The following PDE4D variants were observed in gnomAD, a reference collection of about 807,000 sequenced individuals.
The protein encoded by PDE4D is phosphodiesterase 4D.
In PDE4D, 24 loss-of-function variants were observed where a neutral mutation model predicts 87.4. That is an observed-to-expected ratio of 0.27 (90% CI 0.20 to 0.39). The LOEUF is 0.39. Ranked by LOEUF, PDE4D falls within the 10% of genes least tolerant of loss-of-function variation. PDE4D has a pLI of 1.00. For synonymous variants in PDE4D, 384 were observed against 383.2 expected (o/e 1.00, Z -0.02); for missense variants, 714 against 1,041.0 (o/e 0.69, Z 4.32).
Position 59,893,362 on chromosome 5 carries a change from C to T in PDE4D, c.261G>A (p.Pro87=). The T allele has an allele frequency of 8.0e-7, 1 of 1,256,438 alleles. No individual in the cohort carries two copies. The highest frequency in any genetic ancestry group is 1.0e-6 in the Non-Finnish European group (1 of 1,001,826). 77.8% of individuals were successfully genotyped at this position (1,256,438 alleles called of 1,614,324 possible). A position where few individuals can be genotyped will look rare whatever the true frequency, so the allele number is the denominator to read the frequency against. Residue 87 remains proline, a synonymous_variant, in exon 1 of 15, where the codon CCG becomes CCA. Coordinates refer to ENST00000340635, the MANE Select transcript of PDE4D (RefSeq NM_001104631.2). ...PPPPLPPPPP[P]PGAARGRYAS... ...CGTAGCGGCCGCGGGCAGCCCCGGG[C>T]GGCGGCGGGGGCGGCGGCAGGGGGG... is the stretch of plus-strand genomic sequence containing the variant.
At chr5:59,425,516 G>GGA (rs1267215717) in intron 1 of PDE4D, among the ~76,000 whole-genome samples, 2 of 152,064 alleles carry the variant, frequency 1.3e-5, no homozygotes, top group East Asian at 3.9e-4. Context: ...CATGAGAGGT[G>GGA]GAGGGTAGAA....
intron 6 of PDE4D, among the ~76,000 whole-genome samples, chr5:59,007,880 C>T (rs759802826): frequency 3.3e-5 from 5 of 151,912 alleles, no homozygotes; most frequent in Admixed American, 6.6e-5. Flanking sequence ...ACACCTGCAA[C>T]ATGTATGGAG....
intron 1 of PDE4D, chr5:59,586,449 C>G (rs1224136885): frequency 1.1e-5 from 17 of 1,545,326 alleles, no homozygotes; most frequent in Middle Eastern, 1.7e-4. Context: ...AGATGAATTC[C>G]AACTCTCTTG....
chr5:59,114,850 G>C (rs10085136), intron 5 of PDE4D, among the ~76,000 whole-genome samples: 15,799 of 150,884 alleles, frequency 0.1, 1,117 homozygotes, highest in Non-Finnish European at 0.15. Context: ...TGGTGGGGCT[G>C]CAAGCTAACT....
At position 59,316,194 on chromosome 5, in the gene PDE4D, G is replaced by A. The variant is rs79379389; in HGVS notation, c.456-100226C>T. Among the ~76,000 whole-genome samples the A allele has an allele frequency of 5.1e-3, 778 of 152,194 alleles. 7 individuals are homozygous for A. Among genetic ancestry groups the A allele is most frequent in the African/African-American group, 0.016 (680 of 41,526 alleles). On this transcript the variant is annotated intron_variant, in intron 1 of 14. Transcript: ENST00000340635. ...GTACATGAAGATAACAAGCTATGGG[G>A]CTTTGCAATAATAAAGGCAGATTGC...
At chr5:60,066,042 G>T (rs1049572280) in intron 2 of PDE4D, among the ~76,000 whole-genome samples, 1 of 152,132 alleles carries the variant, frequency 6.6e-6, no homozygotes, top group Non-Finnish European at 1.5e-5. Context: ...CTAGTTTATA[G>T]TCCCACCAAC....
At chr5:59,538,958 A>C (rs1815785692) in intron 1 of PDE4D, among the ~76,000 whole-genome samples, 2 of 152,098 alleles carry the variant, frequency 1.3e-5, no homozygotes, top group African/African-American at 4.8e-5. Context: ...TTCTATTCAC[A>C]CTGTAGGCTT....
At chr5:59,244,462 A>G (rs1054597491) in intron 1 of PDE4D, among the ~76,000 whole-genome samples, 1 of 151,060 alleles carries the variant, frequency 6.6e-6, no homozygotes, top group Non-Finnish European at 1.5e-5. Flanking sequence ...ATATATATAT[A>G]TACATATACA....
chr5:60,173,721 G>GCAA (rs1466980538), intron 2 of PDE4D, among the ~76,000 whole-genome samples: 2 of 152,092 alleles, frequency 1.3e-5, no homozygotes, highest in Non-Finnish European at 2.9e-5. Context: ...AGCTAATGGA[G>GCAA]CAACAGTCAG....
At chr5:59,111,578 A>ACTTT (rs1293861986) in intron 5 of PDE4D, among the ~76,000 whole-genome samples, 4 of 152,172 alleles carry the variant, frequency 2.6e-5, no homozygotes, top group Admixed American at 6.5e-5. Flanking sequence ...AAAAAGCCAT[A>ACTTT]CTTTCTTTCT....
chr5:59,474,820 G>A (rs146959706), intron 1 of PDE4D, among the ~76,000 whole-genome samples: 1 of 152,022 alleles, frequency 6.6e-6, no homozygotes, highest in Non-Finnish European at 1.5e-5. Flanking sequence ...AAAGTTTTAT[G>A]CAAAAAAGTT....
intron 1 of PDE4D, among the ~76,000 whole-genome samples, chr5:59,706,709 T>G (rs1038888436): frequency 6.6e-6 from 1 of 152,156 alleles, no homozygotes; most frequent in Non-Finnish European, 1.5e-5. Context: ...TTTATAGAGA[T>G]ATTTTCAATA....
intron 2 of PDE4D, among the ~76,000 whole-genome samples, chr5:60,141,936 A>G (rs1780568964): frequency 6.6e-6 from 1 of 152,158 alleles, no homozygotes; most frequent in Non-Finnish European, 1.5e-5. Context: ...AAAATATAGG[A>G]TAATTTAAGT....
intron 6 of PDE4D, among the ~76,000 whole-genome samples, chr5:59,001,330 C>T (rs1273575889): frequency 6.6e-6 from 1 of 152,274 alleles, no homozygotes; most frequent in East Asian, 1.9e-4. Flanking sequence ...GTCTTCCTGA[C>T]ATTTAACTAT....
chr5:60,500,830 C>A (rs967408917), intron 1 of PDE4D, among the ~76,000 whole-genome samples: 2 of 152,160 alleles, frequency 1.3e-5, no homozygotes, highest in Non-Finnish European at 2.9e-5. Flanking sequence ...GAACCTGACC[C>A]ATGGCAGGCA....
intron 1 of PDE4D, among the ~76,000 whole-genome samples, chr5:60,356,968 A>G (rs558138950): frequency 6.6e-6 from 1 of 152,320 alleles, no homozygotes; most frequent in African/African-American, 2.4e-5. Context: ...CAACACAGCT[A>G]CTAGCTCCAA....
At chr5:59,378,964 G>C (rs578089111) in intron 1 of PDE4D, among the ~76,000 whole-genome samples, 1 of 125,134 alleles carries the variant, frequency 8.0e-6, no homozygotes, top group Admixed American at 7.9e-5. Context: ...GAGTGTGTGT[G>C]TCCACGTGTG....
rs77102904 is a variant in PDE4D at position 59,392,854 on chromosome 5, G to A, written c.456-176886C>T. On this transcript the variant is annotated intron_variant, in intron 1 of 14. Transcript: ENST00000340635. ...ATGAAGACTTTCAGTAAGTCACCTG[G>A]AAATAGTGTGTAGGATTAATTTAAC... 4.8e-3 allele frequency among the ~76,000 whole-genome samples: 729 copies of A among 152,224 alleles called. 4 individuals carry two copies. The highest frequency in any genetic ancestry group is 8.1e-3 in the Non-Finnish European group (549 of 68,020).
At chr5:59,582,674 T>A (rs1315465001) in intron 1 of PDE4D, among the ~76,000 whole-genome samples, 1 of 152,118 alleles carries the variant, frequency 6.6e-6, no homozygotes, top group East Asian at 1.9e-4. Context: ...ATCAAACAAA[T>A]AACTTTCTAG....
Sources: allele counts gnomAD v4.1 joint callset (sites outside exome capture counted in the v4.1 genomes callset), GRCh38; gene constraint gnomAD v4.1.1; transcripts MANE v1.5; gene names NCBI Gene and HGNC (gene_info 2026-07-23, HGNC 2026-07-21).